CPNE4: variants seen among roughly 807,000 people sequenced by gnomAD.
CPNE4 encodes the protein copine-4.
Under a neutral mutation model 67.9 loss-of-function variants are expected in CPNE4, and 25 were observed. The ratio of observed to expected loss-of-function variants is 0.37; its 90% CI spans 0.27 to 0.51. The LOEUF (loss-of-function observed/expected upper bound fraction) is 0.51. Ranked by LOEUF, CPNE4 falls within the 20% of genes least tolerant of loss-of-function variation. CPNE4 has a pLI of 0.93. For synonymous variants in CPNE4, 242 were observed against 244.9 expected (o/e 0.99, Z 0.11); for missense variants, 464 against 690.8 (o/e 0.67, Z 3.68).
chr3:131,567,043 T>C lies in CPNE4; in HGVS notation c.928-2694A>G, dbSNP rs191092420. 9.2e-5 allele frequency among the ~76,000 whole-genome samples: 14 copies of C among 152,084 alleles called. 1 individual carries two copies. In the East Asian group the frequency reaches 2.7e-3, roughly 30 times the overall value. ...CTTCCATCATGGGTCACCACCTCCT[T>C]ACCTCTGAAGGCATCATGCTTCTGC... is the stretch of plus-strand genomic sequence containing the variant. On this transcript the variant is annotated intron_variant, in intron 10 of 15. Transcript: ENST00000429747.
intron 7 of CPNE4, among the ~76,000 whole-genome samples, chr3:131,621,116 C>A (rs577180027): frequency 6.6e-6 from 1 of 152,168 alleles, no homozygotes; most frequent in Non-Finnish European, 1.5e-5. Context: ...TTGACCTTGA[C>A]TTAGCACGCA....
chr3:132,033,244 C>T (rs956596139), intron 1 of CPNE4, among the ~76,000 whole-genome samples: 2 of 152,170 alleles, frequency 1.3e-5, no homozygotes, highest in Non-Finnish European at 2.9e-5. Flanking sequence ...ACCAAGTGAG[C>T]CAAGAAAAAC....
At chr3:131,748,278 AC>A (rs1404707633) in intron 2 of CPNE4, among the ~76,000 whole-genome samples, 15 of 152,038 alleles carry the variant, frequency 9.9e-5, no homozygotes, top group Non-Finnish European at 1.2e-4. Flanking sequence ...TAAATTTTAA[AC>A]TAGTCCTATA....
At chr3:131,764,429 G>T (rs1226411759) in intron 2 of CPNE4, among the ~76,000 whole-genome samples, 1 of 151,970 alleles carries the variant, frequency 6.6e-6, no homozygotes, top group Non-Finnish European at 1.5e-5. Context: ...TTGTTATGAA[G>T]AAATTATATT....
In CPNE4 at chr3:131,707,609, C is replaced by T. The variant is rs202217084; in HGVS notation, c.361-7629G>A. Among the ~76,000 whole-genome samples the T allele has an allele frequency of 2.4e-4, 36 of 152,316 alleles. No homozygotes were observed. In the East Asian group the frequency reaches 6.6e-3, roughly 28 times the overall value. ...AGCAGAGCTGGGGTTTGAATCCAGA[C>T]AGTCCAGTTCCAGAGTTCATTCCCT... is the stretch of plus-strand genomic sequence containing the variant. On this transcript the variant is annotated intron_variant, in intron 3 of 15. Coordinates refer to ENST00000429747, the MANE Select transcript of CPNE4 (RefSeq NM_130808.3).
chr3:131,995,517 G>A (rs564920106), intron 1 of CPNE4, among the ~76,000 whole-genome samples: 14 of 152,116 alleles, frequency 9.2e-5, no homozygotes, highest in African/African-American at 2.2e-4. Flanking sequence ...GTACTTACTC[G>A]GCCACTACCT....
intron 1 of CPNE4, among the ~76,000 whole-genome samples, chr3:131,970,533 C>A (rs1048412843): frequency 6.6e-6 from 1 of 152,072 alleles, no homozygotes; most frequent in African/African-American, 2.4e-5. Flanking sequence ...GGCATTTGGG[C>A]AAGAAGCATA....
chr3:132,026,712 AAAG>A (rs2074122988), intron 1 of CPNE4, among the ~76,000 whole-genome samples: 1 of 152,204 alleles, frequency 6.6e-6, no homozygotes, highest in African/African-American at 2.4e-5. Flanking sequence ...TTACTTTTTA[AAAG>A]AAGTACTATA....
At chr3:131,678,827 T>G (rs1472298699) in intron 6 of CPNE4, among the ~76,000 whole-genome samples, 1 of 152,198 alleles carries the variant, frequency 6.6e-6, no homozygotes, top group African/African-American at 2.4e-5. Context: ...TGGATTTGGT[T>G]TGCCAGTATT....
intron 2 of CPNE4, among the ~76,000 whole-genome samples, chr3:131,791,268 G>A (rs2083710991): frequency 6.6e-6 from 1 of 152,116 alleles, no homozygotes; most frequent in Non-Finnish European, 1.5e-5. Context: ...ATGAATGGAA[G>A]TTTTGTAATA....
intron 5 of CPNE4, among the ~76,000 whole-genome samples, chr3:131,690,279 C>A (rs150498900): frequency 0.094 from 14,251 of 152,156 alleles, 754 homozygotes; most frequent in Non-Finnish European, 0.11. Context: ...CATTACCCAA[C>A]TTCAAACTAT....
chr3:131,715,918 A>G (rs1181719791), intron 3 of CPNE4, among the ~76,000 whole-genome samples: 1 of 152,186 alleles, frequency 6.6e-6, no homozygotes, highest in African/African-American at 2.4e-5. Flanking sequence ...ACAGAAATCT[A>G]AGGAAGGTCT....
chr3:131,564,100 A>C, intron 11 of CPNE4, 116 bp downstream of exon 11: 1 of 1,217,814 alleles, frequency 8.2e-7, no homozygotes, highest in Admixed American at 1.7e-5. Flanking sequence ...AAACTTTTGA[A>C]GTCACTACAT....
At chr3:131,573,769 T>C (rs1937452997) in intron 10 of CPNE4, among the ~76,000 whole-genome samples, 1 of 152,110 alleles carries the variant, frequency 6.6e-6, no homozygotes, top group Admixed American at 6.6e-5. Context: ...GTTAGATGTG[T>C]ATCCTCAGCG....
chr3:131,595,863 G>C (rs1225857153), intron 7 of CPNE4, among the ~76,000 whole-genome samples: 1 of 152,146 alleles, frequency 6.6e-6, no homozygotes, highest in Non-Finnish European at 1.5e-5. Context: ...AGAACATTAT[G>C]TTAAGTGAAC....
rs557091147 is a variant in CPNE4, at chr3:131,686,903, C to T, written c.508-945G>A. 2.0e-5 allele frequency among the ~76,000 whole-genome samples: 3 copies of T among 152,276 alleles called. No individual in the cohort carries two copies. In the East Asian group the frequency reaches 5.8e-4, roughly 29 times the overall value. ...CCTTTGCTCTCTCAATAGCCCTGAA[C>T]TTCAGTTTTTCTCCCCAGCCCCATG... On this transcript the variant is annotated intron_variant, in intron 5 of 15. Transcript: ENST00000429747.
chr3:131,879,709 G>A (rs143448438), intron 2 of CPNE4, among the ~76,000 whole-genome samples: 4,408 of 152,238 alleles, frequency 0.029, 210 homozygotes, highest in African/African-American at 0.1. Context: ...CTTAGGCAGA[G>A]CTCTAGCCAA....
At chr3:131,696,444 G>T in intron 5 of CPNE4, 98 bp downstream of exon 5, 1 of 1,104,098 alleles carries the variant, frequency 9.1e-7, no homozygotes, top group Non-Finnish European at 1.4e-6. Context: ...GTTTGATAAT[G>T]TGGGTGGAAA....
At chr3:131,938,479 T>G (rs2071291804) in intron 1 of CPNE4, among the ~76,000 whole-genome samples, 1 of 152,150 alleles carries the variant, frequency 6.6e-6, no homozygotes, top group South Asian at 2.1e-4. Context: ...GTTTTTACAC[T>G]GCTATAAAGA....
Sources: allele counts gnomAD v4.1 joint callset (sites outside exome capture counted in the v4.1 genomes callset), GRCh38; gene constraint gnomAD v4.1.1; transcripts MANE v1.5; gene names NCBI Gene and HGNC (gene_info 2026-07-23, HGNC 2026-07-21).